The following N4BP2L1 variants were observed in gnomAD, a reference collection of about 807,000 sequenced individuals.
N4BP2L1 encodes NEDD4 binding protein 2 like 1.
Under a neutral mutation model 21.2 loss-of-function variants are expected in N4BP2L1, and 12 were observed. The observed-to-expected ratio is 0.57, with a 90% CI of 0.36 to 0.92. N4BP2L1 has a LOEUF of 0.92. Ranked by LOEUF, N4BP2L1 falls within the 40% of genes least tolerant of loss-of-function variation. N4BP2L1 has a pLI of 0.01. For missense variants in N4BP2L1, 259 were observed against 310.6 expected (o/e 0.83, Z 1.25); for synonymous variants, 104 against 112.8 (o/e 0.92, Z 0.49).
upstream of N4BP2L1, among the ~76,000 whole-genome samples, chr13:32,429,365 G>A (rs2074934043): frequency 6.6e-6 from 1 of 152,204 alleles, no homozygotes; most frequent in South Asian, 2.1e-4. Context: ...ATTCTTCTCA[G>A]CACTGCTAAG....
upstream of N4BP2L1, among the ~76,000 whole-genome samples, chr13:32,428,965 C>T (rs73458491): frequency 6.6e-3 from 1,010 of 152,332 alleles, 8 homozygotes; most frequent in African/African-American, 0.022. Context: ...CCCTCAAGAG[C>T]GTGACAGAGT....
chr13:32,407,818 A>G, intron 1 of N4BP2L1, 46 bp from the exon 2 acceptor site: 1 of 1,521,124 alleles, frequency 6.6e-7, no homozygotes, highest in Non-Finnish European at 8.8e-7. Context: ...AAATATATGT[A>G]TAGTCTCAGT....
At chr13:32,429,532 A>C (rs2074936586), upstream of N4BP2L1, among the ~76,000 whole-genome samples, 1 of 152,236 alleles carries the variant, frequency 6.6e-6, no homozygotes, top group Non-Finnish European at 1.5e-5. Flanking sequence ...TGCACTGGCT[A>C]ATATGGGGGC....
At position 32,409,435 on chromosome 13, in the gene N4BP2L1, C is replaced by A. The variant is rs1054155443; in HGVS notation, c.180-1663G>T. Reference sequence around the variant, plus strand: ...CTGACAGTCTCCCTTGGTAGCTTTGCGGGGAAATGCGGGCCAGTAGATAAT... The same window carrying A: ...CTGACAGTCTCCCTTGGTAGCTTTGAGGGGAAATGCGGGCCAGTAGATAAT... On this transcript the variant is annotated intron_variant, in intron 1 of 4. Coordinates refer to ENST00000380130, the MANE Select transcript of N4BP2L1 (RefSeq NM_052818.3). 2.6e-5 allele frequency among the ~76,000 whole-genome samples: 4 copies of A among 152,222 alleles called. No individual in the cohort carries two copies. The Middle Eastern group carries it at 0.01, about 388-fold the overall frequency.
rs1593211579 is a variant in N4BP2L1 at position 32,402,271 on chromosome 13, A to G, written c.*671T>C. On this transcript the variant is annotated 3_prime_UTR_variant, in exon 5 of 5. Coordinates refer to ENST00000380130, the MANE Select transcript of N4BP2L1 (RefSeq NM_052818.3). ...AAAAACACAAGGCGTGACTTTAAAT[A>G]ATGACACTGATTTCCCTCAGTAGCT... 2.8e-6 allele frequency: 2 copies of G among 724,808 alleles called. No homozygotes were observed. The highest frequency in any genetic ancestry group is 3.4e-6 in the Non-Finnish European group (2 of 592,224). 44.9% of individuals were successfully genotyped at this position (724,808 alleles called of 1,614,324 possible). A position where few individuals can be genotyped will look rare whatever the true frequency, so the allele number is the denominator to read the frequency against.
chr13:32,421,561 C>A (rs1048836895), intron 1 of N4BP2L1, among the ~76,000 whole-genome samples: 4 of 152,122 alleles, frequency 2.6e-5, no homozygotes, highest in African/African-American at 9.7e-5. Flanking sequence ...ATCCTAAAAT[C>A]CTCATCTATA....
intron 1 of N4BP2L1, among the ~76,000 whole-genome samples, chr13:32,410,989 C>T (rs1014535300): frequency 6.6e-6 from 1 of 152,130 alleles, no homozygotes; most frequent in South Asian, 2.1e-4. Context: ...CCCTTATCTG[C>T]TCTTGTTTTC....
intron 1 of N4BP2L1, among the ~76,000 whole-genome samples, chr13:32,410,781 A>G (rs1354153155): frequency 1.3e-5 from 2 of 152,216 alleles, no homozygotes; most frequent in East Asian, 3.8e-4. Context: ...ATAGTGTATA[A>G]TGTATTTCCC....
intron 3 of N4BP2L1, among the ~76,000 whole-genome samples, chr13:32,404,635 GTTCT>G (rs2073359905): frequency 6.7e-6 from 1 of 149,538 alleles, no homozygotes; most frequent in Non-Finnish European, 1.5e-5. Context: ...ATTTGTAAAG[GTTCT>G]TTGTTTTGGA....
chr13:32,405,198 T>C (rs915082464), intron 3 of N4BP2L1, among the ~76,000 whole-genome samples: 1 of 152,102 alleles, frequency 6.6e-6, no homozygotes, highest in Non-Finnish European at 1.5e-5. Context: ...AAAAAGATTA[T>C]ACATATCCAG....
intron 1 of N4BP2L1, among the ~76,000 whole-genome samples, chr13:32,423,119 G>A (rs1284320901): frequency 6.6e-6 from 1 of 152,130 alleles, no homozygotes; most frequent in African/African-American, 2.4e-5. Context: ...ACATTCCACT[G>A]CTTATCTGGT....
chr13:32,416,436 A>G (rs1337408587), intron 1 of N4BP2L1: 2 of 152,190 alleles, frequency 1.3e-5, no homozygotes, highest in African/African-American at 4.8e-5. Flanking sequence ...TATTTTCTCT[A>G]GTGATACTTA....
intron 1 of N4BP2L1, among the ~76,000 whole-genome samples, chr13:32,422,950 T>A (rs974114641): frequency 6.6e-6 from 1 of 151,988 alleles, no homozygotes; most frequent in African/African-American, 2.4e-5. Flanking sequence ...AAACATTCTA[T>A]TGTGAGCTTG....
In N4BP2L1 at chr13:32,402,103, AT is replaced by A. The variant is rs2137691230; in HGVS notation, c.*838del. ...TCCCAAACATTTGAGCTGCCGACTA[AT>A]TACACATGTTAATAGGCATAATTTT... On this transcript the variant is annotated 3_prime_UTR_variant, in exon 5 of 5. Transcript: ENST00000380130. The A allele has an allele frequency of 1.0e-6, 1 of 985,326 alleles. No individual in the cohort carries two copies. The highest frequency in any genetic ancestry group is 4.7e-5 in the South Asian group (1 of 21,290). The allele number at this position is 985,326 out of a possible 1,614,324, so 61.0% of individuals were successfully genotyped here.
intron 1 of N4BP2L1, among the ~76,000 whole-genome samples, chr13:32,413,442 T>A (rs1485394355): frequency 6.6e-6 from 1 of 152,176 alleles, no homozygotes; most frequent in Non-Finnish European, 1.5e-5. Flanking sequence ...CCAGATTAAA[T>A]GTTTTTTAAA....
chr13:32,416,962 G>A (rs545093293), intron 1 of N4BP2L1, among the ~76,000 whole-genome samples: 39 of 151,966 alleles, frequency 2.6e-4, no homozygotes, highest in African/African-American at 5.3e-4. Flanking sequence ...GATTACAGGC[G>A]CGTGCCACCA....
chr13:32,411,366 G>C (rs1593256409), intron 1 of N4BP2L1, among the ~76,000 whole-genome samples: 1 of 142,352 alleles, frequency 7.0e-6, no homozygotes, highest in African/African-American at 2.6e-5. Flanking sequence ...CTTCCTGAAT[G>C]ACTTCAAAAC....
At chr13:32,423,301 C>T (rs761684509) in intron 1 of N4BP2L1, among the ~76,000 whole-genome samples, 2 of 152,182 alleles carry the variant, frequency 1.3e-5, no homozygotes, top group Admixed American at 6.5e-5. Context: ...AGACAGCTGT[C>T]AGCGGGCATC....
At chr13:32,418,941 G>C (rs1421585985) in intron 1 of N4BP2L1, among the ~76,000 whole-genome samples, 1 of 152,210 alleles carries the variant, frequency 6.6e-6, no homozygotes, top group African/African-American at 2.4e-5. Context: ...TGATTTTACA[G>C]GTTCATAAGC....
Sources: gnomAD v4.1 joint callset for allele counts (sites outside exome capture counted in the v4.1 genomes callset) on GRCh38, gnomAD v4.1.1 for gene constraint, MANE v1.5 for transcripts, NCBI Gene and HGNC (gene_info 2026-07-23, HGNC 2026-07-21) for gene names.